The following FGGY variants were observed in gnomAD, a reference collection of about 807,000 sequenced individuals.
The protein encoded by FGGY is FGGY carbohydrate kinase domain-containing protein.
A neutral mutation model predicts 71.3 loss-of-function variants in FGGY; 72 were observed. The ratio of observed to expected loss-of-function variants is 1.01; its 90% confidence interval spans 0.84 to 1.23. FGGY has a LOEUF of 1.23. Ranked by LOEUF, FGGY falls within the 50% of genes most tolerant of loss-of-function variation. FGGY has a pLI of 0.00. For synonymous variants in FGGY, 251 were observed against 250.3 expected (o/e 1.00, Z -0.02); for missense variants, 668 against 682.3 (o/e 0.98, Z 0.23).
intron 6 of FGGY, among the ~76,000 whole-genome samples, chr1:59,459,541 G>A (rs2091997229): frequency 2.0e-5 from 3 of 152,228 alleles, no homozygotes; most frequent in African/African-American, 7.2e-5. Context: ...ATTTTGGGTA[G>A]GAGATTATAT....
At chr1:59,549,608 G>A (rs12562305) in intron 7 of FGGY, among the ~76,000 whole-genome samples, 10,768 of 152,214 alleles carry the variant, frequency 0.071, 397 homozygotes, top group Middle Eastern at 0.18. Flanking sequence ...AGGATACTTT[G>A]CAAGCTATAA....
At chr1:59,317,282 C>T (rs549889248) in intron 1 of FGGY, among the ~76,000 whole-genome samples, 156 of 152,178 alleles carry the variant, frequency 1.0e-3, no homozygotes, top group Admixed American at 3.9e-3. Flanking sequence ...CTAAACTTGC[C>T]GCAAGAGACT....
intron 1 of FGGY, among the ~76,000 whole-genome samples, chr1:59,300,289 CTAAGG>C (rs1557475337): frequency 6.6e-6 from 1 of 152,172 alleles, no homozygotes; most frequent in Admixed American, 6.5e-5. Context: ...TGTATACCCC[CTAAGG>C]TAAAGTATGT....
chr1:59,395,726 T>C (rs1278924274), intron 5 of FGGY, among the ~76,000 whole-genome samples: 3 of 152,158 alleles, frequency 2.0e-5, no homozygotes, highest in Non-Finnish European at 4.4e-5. Flanking sequence ...GTATTATAAT[T>C]ATCATCTGTT....
intron 4 of FGGY, among the ~76,000 whole-genome samples, chr1:59,375,879 GTTTTTTTTTT>G (rs770578651): frequency 1.0e-5 from 1 of 99,388 alleles, no homozygotes; most frequent in African/African-American, 3.7e-5. Flanking sequence ...ATCTAAAGTA[GTTTTTTTTTT>G]TTTTTTTTTT....
At chr1:59,316,527 T>G (rs555665022) in intron 1 of FGGY, among the ~76,000 whole-genome samples, 1 of 152,256 alleles carries the variant, frequency 6.6e-6, no homozygotes, top group South Asian at 2.1e-4. Flanking sequence ...TATTTCCAGG[T>G]CCCCTTTTCC....
intron 8 of FGGY, among the ~76,000 whole-genome samples, chr1:59,562,361 G>A (rs2095805087): frequency 6.6e-6 from 1 of 152,212 alleles, no homozygotes. Flanking sequence ...ATTATGCTGA[G>A]TGACAGAAGC....
chr1:59,673,123 C>A (rs2153978504), intron 13 of FGGY, among the ~76,000 whole-genome samples: 1 of 152,276 alleles, frequency 6.6e-6, no homozygotes, highest in South Asian at 2.1e-4. Flanking sequence ...AGAGTCCCTA[C>A]CCTCAAGTAG....
At chr1:59,607,988 A>G in intron 9 of FGGY, 78 bp downstream of exon 9, 2 of 1,179,746 alleles carry the variant, frequency 1.7e-6, no homozygotes, top group Non-Finnish European at 2.5e-6. Flanking sequence ...TGACCCATAT[A>G]CCCAATATCT....
At chr1:59,335,216 G>C (rs1482074229) in intron 2 of FGGY, among the ~76,000 whole-genome samples, 1 of 152,148 alleles carries the variant, frequency 6.6e-6, no homozygotes, top group Non-Finnish European at 1.5e-5. Flanking sequence ...CCTTACACCT[G>C]TTTGCAGTCA....
intron 6 of FGGY, among the ~76,000 whole-genome samples, chr1:59,496,184 G>A (rs552069774): frequency 2.2e-3 from 336 of 152,110 alleles, no homozygotes; most frequent in Non-Finnish European, 3.5e-3. Flanking sequence ...AATTCTCGTT[G>A]TAGAGATCTT....
intron 8 of FGGY, among the ~76,000 whole-genome samples, chr1:59,604,499 A>AC (rs1161299870): frequency 3.3e-5 from 5 of 152,142 alleles, no homozygotes; most frequent in South Asian, 2.1e-4. Flanking sequence ...GCCAAGCAAA[A>AC]CCATTCTCTG....
intron 4 of FGGY, among the ~76,000 whole-genome samples, chr1:59,378,265 A>G (rs1005481288): frequency 2.0e-5 from 3 of 151,816 alleles, no homozygotes; most frequent in Non-Finnish European, 4.4e-5. Context: ...TCATGAGGGC[A>G]GTTTTCCCCA....
At chr1:59,466,764 A>C (rs1392443286) in intron 6 of FGGY, among the ~76,000 whole-genome samples, 2 of 152,244 alleles carry the variant, frequency 1.3e-5, no homozygotes, top group African/African-American at 2.4e-5. Flanking sequence ...CATGCTCATC[A>C]TCACTGGTCA....
At chr1:59,321,496 CA>C (rs2046374434) in intron 1 of FGGY, 39 bp from the exon 2 acceptor site, 5 of 1,563,094 alleles carry the variant, frequency 3.2e-6, no homozygotes, top group Non-Finnish European at 4.4e-6. Flanking sequence ...TTTGCAGATC[CA>C]CTTGGTCTTC....
chr1:59,534,782 G>C (rs2095265538), intron 7 of FGGY, among the ~76,000 whole-genome samples: 1 of 151,984 alleles, frequency 6.6e-6, no homozygotes, highest in Non-Finnish European at 1.5e-5. Flanking sequence ...AGCAAATGCT[G>C]AGAGATTTTG....
chr1:59,378,766 C>T lies in FGGY; in HGVS notation c.483C>T (p.Cys161=). The change falls in exon 5 of 16, where the codon TGC becomes TGT. Residue 161 remains cysteine (C), a synonymous_variant. Transcript: ENST00000303721. The part of the protein sequence containing the change: ...LWLKENLREI[C]WDKAGHFFDL... The stretch of plus-strand genomic sequence containing the variant: ...TTTGGCAGAACTTGAGAGAGATTTG[C>T]TGGGATAAGGCGGGACATTTCTTTG... 1.2e-6 allele frequency: 2 copies of T among 1,613,338 alleles called. No individual in the cohort carries two copies. Among genetic ancestry groups the T allele is most frequent in the East Asian group, 2.2e-5 (1 of 44,874 alleles).
At chr1:59,616,731 G>T (rs2096759241) in intron 9 of FGGY, among the ~76,000 whole-genome samples, 1 of 152,000 alleles carries the variant, frequency 6.6e-6, no homozygotes, top group Non-Finnish European at 1.5e-5. Context: ...ACATAATTCT[G>T]TTAAACTTTG....
chr1:59,375,900 T>G (rs2058589094), intron 4 of FGGY, among the ~76,000 whole-genome samples: 2 of 148,118 alleles, frequency 1.4e-5, no homozygotes, highest in South Asian at 4.2e-4. Context: ...TTTTTTTTTT[T>G]GCCTGAATTT....
Sources: allele counts gnomAD v4.1 joint callset (sites outside exome capture counted in the v4.1 genomes callset), GRCh38; gene constraint gnomAD v4.1.1; transcripts MANE v1.5; gene names NCBI Gene and HGNC (gene_info 2026-07-23, HGNC 2026-07-21).